The following CYP27C1 variants were observed in gnomAD, a reference collection of about 807,000 sequenced individuals.
The protein encoded by CYP27C1 is cytochrome P450 family 27 subfamily C member 1.
Under a neutral mutation model 40.6 loss-of-function variants are expected in CYP27C1, and 29 were observed. The ratio of observed to expected loss-of-function variants is 0.71; its 90% CI spans 0.53 to 0.97. CYP27C1 has a LOEUF of 0.97. Ranked by LOEUF, CYP27C1 falls within the 50% of genes least tolerant of loss-of-function variation. CYP27C1 has a pLI of 0.00. For synonymous variants in CYP27C1, 198 were observed against 186.8 expected (o/e 1.06, Z -0.49); for missense variants, 390 against 485.8 (o/e 0.80, Z 1.85).
chr2:127,195,265 GA>G lies in CYP27C1; in HGVS notation c.1214+69del, dbSNP rs1682875328. 6.3e-7 allele frequency: 1 copy of G among 1,598,022 alleles called. No homozygotes were observed. On this transcript the variant is annotated intron_variant, in intron 6 of 8. Transcript: ENST00000664447. The surrounding 1 kb of genome is among the most constrained non-coding windows in gnomAD (Gnocchi z 6.2). ...AGGTCAGCCGGGGGGGCATTTGGAG[GA>G]CTTGTTGTGATAGAGAACCAGGGAC...
rs911508381 is a variant in CYP27C1 at position 127,189,835 on chromosome 2, T to G, written c.1498-2448A>C. Among the ~76,000 whole-genome samples, 11 of 152,238 alleles carry G rather than the reference T, an allele frequency of 7.2e-5. No homozygotes were observed. In the East Asian group the frequency reaches 2.1e-3, roughly 29 times the overall value. On this transcript the variant is annotated intron_variant, in intron 8 of 8. Coordinates refer to ENST00000664447, the MANE Select transcript of CYP27C1 (RefSeq NM_001367502.1). ...TGATATGTGAAGATGCCTTTCCGTT[T>G]TATACATTCAGCCTGCCAACTGTTG...
At chr2:127,193,667 A>C in intron 7 of CYP27C1, 122 bp downstream of exon 7, 1 of 1,049,364 alleles carries the variant, frequency 9.5e-7, no homozygotes, top group Non-Finnish European at 1.4e-6. Flanking sequence ...CTTAAAATAC[A>C]TGCAAAAGAA....
In CYP27C1 at chr2:127,203,404, A is replaced by G. The variant is rs1362918286; in HGVS notation, c.641T>C (p.Val214Ala). The G allele has an allele frequency of 6.2e-7, 1 of 1,613,402 alleles. No homozygotes were observed. Among genetic ancestry groups the G allele is most frequent in the Non-Finnish European group, 8.5e-7 (1 of 1,179,916 alleles). ...TGAATATTTGAAGAAAAGATCATTG[A>G]CATTGGTCACGGTTTCTCCATCTTC... Reference protein sequence around the residue: ...QAEDGETVTNVNDLFFKYSME... With the variant: ...QAEDGETVTNANDLFFKYSME... Residue 214 changes from valine to alanine, a missense_variant, in exon 3 of 9, where the codon GTC becomes GCC. Transcript: ENST00000664447.
intron 6 of CYP27C1, among the ~76,000 whole-genome samples, chr2:127,194,932 C>T (rs1682868933): frequency 6.6e-6 from 1 of 150,986 alleles, no homozygotes; most frequent in African/African-American, 2.4e-5. Flanking sequence ...TAACTTCAAG[C>T]GATTCTCTTG....
At chr2:127,199,015 T>C (rs192669263) in intron 5 of CYP27C1, among the ~76,000 whole-genome samples, 6 of 152,234 alleles carry the variant, frequency 3.9e-5, no homozygotes, top group African/African-American at 1.4e-4. Flanking sequence ...CCAGTCGCAG[T>C]GGCTCATGCC....
intron 7 of CYP27C1, among the ~76,000 whole-genome samples, 153 bp from the exon 8 acceptor site, chr2:127,193,450 C>T (rs561791249): frequency 1.3e-5 from 2 of 152,328 alleles, no homozygotes; most frequent in African/African-American, 2.4e-5. Context: ...CCGCTCCCCC[C>T]TTCCCACTCC....
intron 2 of CYP27C1, among the ~76,000 whole-genome samples, chr2:127,204,550 AG>A (rs1443454159): frequency 1.3e-5 from 1 of 77,200 alleles, no homozygotes; most frequent in African/African-American, 5.0e-5. Context: ...AGAGAGAGAG[AG>A]AGAGAGAAAG....
rs1251798112 is a variant in CYP27C1, at chr2:127,198,204, C to CACACACAG, written c.1047+1171_1047+1172insCTGTGTGT. ...TTGTTGATACACACACACACACACA[C>CACACACAG]ACACACACACGCACTCATCAACCAA... On this transcript the variant is annotated intron_variant, in intron 5 of 8. Transcript: ENST00000664447. 2.0e-5 allele frequency among the ~76,000 whole-genome samples: 3 copies of CACACACAG among 151,926 alleles called. No homozygotes were observed. The South Asian group carries it at 6.2e-4, about 32-fold the overall frequency.
rs1391592028 is a variant in CYP27C1 at position 127,185,124 on chromosome 2, T to C, written c.*2147A>G. 6.6e-6 allele frequency: 1 copy of C among 152,344 alleles called. No homozygotes were observed. Among genetic ancestry groups the C allele is most frequent in the African/African-American group, 2.4e-5 (1 of 41,464 alleles). 9.4% of individuals were successfully genotyped at this position (152,344 alleles called of 1,614,324 possible). ...TGTGAGCCACCACGCCCAGCCCCCA[T>C]GGAGTTTTGACATCTCCCTGTATAC... is the stretch of plus-strand genomic sequence containing the variant. On this transcript the variant is annotated 3_prime_UTR_variant, in exon 9 of 9. Transcript: ENST00000664447. This position sits in a 1 kb window ranked among gnomAD's most constrained non-coding sequence, Gnocchi z 4.9.
Position 127,197,459 on chromosome 2 carries a change from C to T in CYP27C1, c.1047+1917G>A, listed in dbSNP as rs748786412. Among the ~76,000 whole-genome samples, 9 of 152,228 alleles carry T rather than the reference C, an allele frequency of 5.9e-5. No individual in the cohort carries two copies. In the East Asian group the frequency reaches 7.7e-4, roughly 13 times the overall value. ...GTGCGGGGCGTGCCTTATTCAAGGC[C>T]GGGAAGCACCCGTGCAAAGGAAAAG... is the stretch of plus-strand genomic sequence containing the variant. On this transcript the variant is annotated intron_variant, in intron 5 of 8. Coordinates refer to ENST00000664447, the MANE Select transcript of CYP27C1 (RefSeq NM_001367502.1).
At position 127,209,724 on chromosome 2, in the gene CYP27C1, G is replaced by C. The variant is rs767656243; in HGVS notation, c.283-3634C>G. Among the ~76,000 whole-genome samples, 5 of 152,138 alleles carry C rather than the reference G, an allele frequency of 3.3e-5. No homozygotes were observed. Among genetic ancestry groups the C allele is most frequent in the African/African-American group, 1.2e-4 (5 of 41,430 alleles). ...GTGAGAACTTCGTGAAGCATACACA[G>C]GTATCAACAGCCAAATCGACCAAGT... On this transcript the variant is annotated intron_variant, in intron 1 of 8. Transcript: ENST00000664447. The surrounding 1 kb of genome is among the most constrained non-coding windows in gnomAD (Gnocchi z 4.1).
rs771502514 is a variant in CYP27C1 at position 127,203,537 on chromosome 2, A to T, written c.508T>A (p.Leu170Met). 6.2e-7 allele frequency: 1 copy of T among 1,613,890 alleles called. No homozygotes were observed. Among genetic ancestry groups the T allele is most frequent in the Admixed American group, 1.7e-5 (1 of 59,986 alleles). The change falls in exon 3 of 9, where the codon TTG (leucine) becomes ATG (methionine). Residue 170 changes from leucine to methionine, a missense_variant. Physicochemically the swap from Leu to Met is conservative, Grantham distance 15. Coordinates refer to ENST00000664447, the MANE Select transcript of CYP27C1 (RefSeq NM_001367502.1). The part of the protein sequence containing the change: ...GEQWLKMRSV[L>M]RQRILKPKDV... ...TTCGGTTTCAGAATTCTTTGTCTCA[A>T]TACGCTTCTCATCTTGAGCCACTGT...
chr2:127,211,381 T>TG (rs1558933894), intron 1 of CYP27C1, among the ~76,000 whole-genome samples: 143 of 118,450 alleles, frequency 1.2e-3, no homozygotes, highest in African/African-American at 4.0e-3. Flanking sequence ...TTTTTTTTTT[T>TG]TTTTTTTTTT....
chr2:127,214,066 A>G (rs1425002659), intron 1 of CYP27C1, among the ~76,000 whole-genome samples: 2 of 152,094 alleles, frequency 1.3e-5, no homozygotes, highest in Non-Finnish European at 2.9e-5. Flanking sequence ...AAAAAGCTCA[A>G]TGTATAATGT....
rs570114209 is a variant in CYP27C1 at position 127,216,340 on chromosome 2, G to C, written c.282+3649C>G. Among the ~76,000 whole-genome samples the C allele has an allele frequency of 2.6e-5, 4 of 152,174 alleles. No homozygotes were observed. The East Asian group carries it at 7.7e-4, about 29-fold the overall frequency. ...TAAGCAAAATGTGGTATAGTCATAC[G>C]CTGCAATATTATTTGTCCATAAAAA... On this transcript the variant is annotated intron_variant, in intron 1 of 8. Transcript: ENST00000664447.
At chr2:127,205,710 A>G in intron 2 of CYP27C1, 190 bp downstream of exon 2, 4 of 985,494 alleles carry the variant, frequency 4.1e-6, no homozygotes, top group Non-Finnish European at 4.8e-6. Context: ...CTCTGCACGG[A>G]GGAGGAGCCA....
chr2:127,213,900 G>A (rs1198474593), intron 1 of CYP27C1, among the ~76,000 whole-genome samples: 1 of 152,086 alleles, frequency 6.6e-6, no homozygotes, highest in Admixed American at 6.5e-5. Flanking sequence ...GAAAGTTTTT[G>A]CAATCTACCC....
chr2:127,188,632 AATG>A (rs1410207666), intron 8 of CYP27C1, among the ~76,000 whole-genome samples: 3 of 148,040 alleles, frequency 2.0e-5, no homozygotes, highest in African/African-American at 8.0e-5. Context: ...AAAAGGAATG[AATG>A]ATGAGATTGT....
At position 127,196,459 on chromosome 2, in the gene CYP27C1, T is replaced by C. The variant is rs528709116; in HGVS notation, c.1048-958A>G. On this transcript the variant is annotated intron_variant, in intron 5 of 8. Coordinates refer to ENST00000664447, the MANE Select transcript of CYP27C1 (RefSeq NM_001367502.1). The surrounding 1 kb of genome is among the most constrained non-coding windows in gnomAD (Gnocchi z 4.5). ...CCAAGATTTTCGCTAAAATCAATAG[T>C]ATCATCTATGGGACTACATTTCACT... 3.0e-4 allele frequency among the ~76,000 whole-genome samples: 46 copies of C among 152,212 alleles called. No individual in the cohort carries two copies. Among genetic ancestry groups the C allele is most frequent in the Non-Finnish European group, 4.4e-5 (3 of 68,014 alleles).
Sources: gnomAD v4.1 joint callset for allele counts (sites outside exome capture counted in the v4.1 genomes callset) on GRCh38, gnomAD v4.1.1 for gene constraint, Gnocchi (gnomAD v3.1) non-coding constraint, MANE v1.5 for transcripts, NCBI Gene and HGNC (gene_info 2026-07-23, HGNC 2026-07-21) for gene names.